ARID4B: variants seen among roughly 807,000 people sequenced by gnomAD.
The protein encoded by ARID4B is AT-rich interactive domain-containing protein 4B.
A neutral mutation model predicts 147.5 loss-of-function variants in ARID4B; 26 were observed. The ratio of observed to expected loss-of-function variants is 0.18; its 90% confidence interval spans 0.13 to 0.24. The LOEUF (loss-of-function observed/expected upper bound fraction) is 0.24, where lower values mean the gene tolerates loss of function less well. ARID4B is among the 10% of genes least tolerant of loss of function. The pLI is 1.00. For missense variants in ARID4B, 1,179 were observed against 1,511.5 expected, an observed-to-expected ratio of 0.78 and a Z score of 3.65; for synonymous variants, 512 against 507.9, an observed-to-expected ratio of 1.01 and a Z score of -0.11.
intron 2 of ARID4B, among the ~76,000 whole-genome samples, chr1:235,302,203 GA>G (rs1307962340): frequency 2.6e-5 from 3 of 115,574 alleles, no homozygotes; most frequent in African/African-American, 1.0e-4. Context: ...AAGAAACAAG[GA>G]AAAGGAAGGG....
At chr1:235,225,771 T>C (rs766655333) in intron 11 of ARID4B, among the ~76,000 whole-genome samples, 1 of 152,232 alleles carries the variant, frequency 6.6e-6, no homozygotes, top group African/African-American at 2.4e-5. Flanking sequence ...TGGAAAATCA[T>C]GTGCCTAATG....
chr1:235,229,087 A>G, intron 11 of ARID4B, 144 bp downstream of exon 11: 2 of 964,102 alleles, frequency 2.1e-6, no homozygotes, highest in Non-Finnish European at 3.0e-6. Context: ...CTATCTGATT[A>G]TGAGGATCTC....
chr1:235,249,420 A>C (rs779046639), intron 6 of ARID4B, among the ~76,000 whole-genome samples: 40 of 152,146 alleles, frequency 2.6e-4, no homozygotes, highest in Non-Finnish European at 5.1e-4. Context: ...AAATACCTAA[A>C]CTGTCCTACA....
At chr1:235,230,791 C>T (rs1668167674) in intron 10 of ARID4B, among the ~76,000 whole-genome samples, 1 of 151,514 alleles carries the variant, frequency 6.6e-6, no homozygotes, top group Non-Finnish European at 1.5e-5. Context: ...GGCATGGCGG[C>T]GTGTGCCTGT....
intron 2 of ARID4B, 190 bp downstream of exon 2, chr1:235,326,724 A>C (rs909823141): frequency 9.1e-6 from 6 of 662,768 alleles, no homozygotes; most frequent in Admixed American, 4.9e-5. Flanking sequence ...GAGACATCCT[A>C]TAACTGCCTC....
At chr1:235,256,201 T>C (rs1354243994) in intron 4 of ARID4B, among the ~76,000 whole-genome samples, 2 of 141,622 alleles carry the variant, frequency 1.4e-5, no homozygotes, top group African/African-American at 5.3e-5. Context: ...GTGCCAGCAG[T>C]TTTACCGATC....
chr1:235,254,758 TA>T lies in ARID4B; in HGVS notation c.274+901del, dbSNP rs533888941. ...CATCTCAAGAGAAAAAGGGAAAGAATAAAAGAGCCAGCAACTCAAAACGGAG... is the reference window on the plus strand; with the variant it reads ...CATCTCAAGAGAAAAAGGGAAAGAATAAAGAGCCAGCAACTCAAAACGGAG... On this transcript the variant is annotated intron_variant, in intron 5 of 23. Transcript: ENST00000264183. Among the ~76,000 whole-genome samples, 769 of 151,802 alleles carry T rather than the reference TA, an allele frequency of 5.1e-3. 6 individuals are homozygous for T. Among genetic ancestry groups the T allele is most frequent in the Non-Finnish European group, 8.5e-3 (574 of 67,780 alleles).
At chr1:235,253,259 C>G (rs1217373424) in intron 5 of ARID4B, among the ~76,000 whole-genome samples, 1 of 152,176 alleles carries the variant, frequency 6.6e-6, no homozygotes, top group Non-Finnish European at 1.5e-5. Context: ...GTTTCTCACC[C>G]TTAGCACTGT....
chr1:235,325,050 T>G (rs975295168), intron 2 of ARID4B, among the ~76,000 whole-genome samples: 2 of 152,214 alleles, frequency 1.3e-5, no homozygotes, highest in Non-Finnish European at 2.9e-5. Context: ...AAGCTTCTCA[T>G]CTTTTATCAC....
intron 16 of ARID4B, among the ~76,000 whole-genome samples, chr1:235,218,843 C>T (rs1489622276): frequency 2.7e-5 from 4 of 150,564 alleles, no homozygotes; most frequent in Non-Finnish European, 5.9e-5. Context: ...ATACTGTGGC[C>T]AAATGTCAGT....
intron 21 of ARID4B, among the ~76,000 whole-genome samples, chr1:235,176,103 C>T (rs1663847972): frequency 2.0e-5 from 3 of 152,044 alleles, no homozygotes; most frequent in Admixed American, 2.0e-4. Flanking sequence ...CCATAGATAA[C>T]CTCTTTCTGG....
intron 6 of ARID4B, among the ~76,000 whole-genome samples, chr1:235,250,775 C>A (rs1011480670): frequency 2.0e-5 from 3 of 152,142 alleles, no homozygotes; most frequent in African/African-American, 7.2e-5. Flanking sequence ...TAAAACTGAA[C>A]CTCCTTGAAG....
chr1:235,171,626 G>T (rs1571884546), intron 23 of ARID4B, among the ~76,000 whole-genome samples: 1 of 151,446 alleles, frequency 6.6e-6, no homozygotes, highest in Middle Eastern at 3.4e-3. Flanking sequence ...TTGTTTAGAA[G>T]GAGTTTCTGG....
In ARID4B at chr1:235,168,561, G is replaced by A. The variant is rs1447337032; in HGVS notation, c.3903C>T (p.Ser1301=). 15 of 1,613,924 alleles carry A rather than the reference G, an allele frequency of 9.3e-6. No individual in the cohort carries two copies. Among genetic ancestry groups the A allele is most frequent in the South Asian group, 3.3e-5 (3 of 91,090 alleles). Residue 1301 remains serine (S), a synonymous_variant, in exon 24 of 24, where the codon AGC becomes AGT. Coordinates refer to ENST00000264183, the MANE Select transcript of ARID4B (RefSeq NM_016374.6). Reference sequence around the variant, plus strand: ...CAACTGACATTCCATTTTGTGATGCGCTGGACATTGACGGTTCAGCTAAAG... The same window carrying A: ...CAACTGACATTCCATTTTGTGATGCACTGGACATTGACGGTTCAGCTAAAG... ...MLTLAEPSMS[S]ASQNGMSVEC...
chr1:235,231,087 G>A (rs1020232866), intron 10 of ARID4B, 26 bp downstream of exon 10: 3 of 1,484,998 alleles, frequency 2.0e-6, no homozygotes, highest in Non-Finnish European at 2.8e-6. Flanking sequence ...TACAGTACTT[G>A]TAATTTATTC....
intron 2 of ARID4B, among the ~76,000 whole-genome samples, chr1:235,267,775 G>C (rs6702656): frequency 0.13 from 19,666 of 152,034 alleles, 1,486 homozygotes; most frequent in African/African-American, 0.2. Context: ...ATGGTGGTGG[G>C]CACCTGTAGG....
At chr1:235,234,864 C>A (rs773125599) in intron 8 of ARID4B, among the ~76,000 whole-genome samples, 3 of 152,180 alleles carry the variant, frequency 2.0e-5, no homozygotes, top group Non-Finnish European at 4.4e-5. Context: ...ATTTCCAGAG[C>A]CTTGTAGGCC....
intron 2 of ARID4B, among the ~76,000 whole-genome samples, chr1:235,297,891 C>T (rs1011086945): frequency 2.6e-5 from 4 of 152,088 alleles, no homozygotes; most frequent in African/African-American, 4.8e-5. Context: ...CATTTAGAAC[C>T]GTATCTTCCA....
Position 235,255,651 on chromosome 1 carries a change from T to A in ARID4B, c.274+9A>T. 6.5e-7 allele frequency: 1 copy of A among 1,548,394 alleles called. No individual in the cohort carries two copies. Among genetic ancestry groups the A allele is most frequent in the Non-Finnish European group, 8.7e-7 (1 of 1,146,714 alleles). ...AAACACATTTTTAAAAGAAAATTTA[T>A]TTTCTTACCTACAGTGTACCAACTC... On this transcript the variant is annotated intron_variant, in intron 5 of 23. Transcript: ENST00000264183.
Sources: allele counts gnomAD v4.1 joint callset (sites outside exome capture counted in the v4.1 genomes callset), GRCh38; gene constraint gnomAD v4.1.1; transcripts MANE v1.5; gene names NCBI Gene and HGNC (gene_info 2026-07-23, HGNC 2026-07-21).